Variants in CCND3 observed in about 807,000 individuals in gnomAD.
CCND3 encodes the protein cyclin D3, also known as G1/S-specific cyclin-D3.
In CCND3, 9 loss-of-function variants were observed where a neutral mutation model predicts 28.7. That is an observed-to-expected ratio of 0.31 (90% CI 0.19 to 0.55). CCND3 has a LOEUF of 0.55. CCND3 is among the 20% of genes least tolerant of loss of function. The pLI is 0.93. For synonymous variants in CCND3, 164 were observed against 163.9 expected, an observed-to-expected ratio of 1.00 and a Z score of 0.00; for missense variants, 315 against 385.8, an observed-to-expected ratio of 0.82 and a Z score of 1.54.
chr6:41,942,444 T>A (rs567450533), upstream of CCND3, among the ~76,000 whole-genome samples: 1 of 152,134 alleles, frequency 6.6e-6, no homozygotes. Flanking sequence ...TGAATCAGAA[T>A]CTGCATTTTA....
At chr6:42,022,787 C>T (rs1377373082) in intron 1 of CCND3, among the ~76,000 whole-genome samples, 1 of 152,190 alleles carries the variant, frequency 6.6e-6, no homozygotes. Flanking sequence ...CAGGGCAGGG[C>T]TTCCTCACCC....
At chr6:42,014,140 T>C (rs6912057) in intron 1 of CCND3, among the ~76,000 whole-genome samples, 61,637 of 150,312 alleles carry the variant, frequency 0.41, 13,003 homozygotes, top group African/African-American at 0.53. Context: ...CCAAGGCGGG[T>C]GGATCACGAG....
chr6:41,953,931 G>GA (rs947799091), intron 1 of CCND3, among the ~76,000 whole-genome samples: 5 of 149,916 alleles, frequency 3.3e-5, no homozygotes, highest in African/African-American at 1.2e-4. Flanking sequence ...TTAAGAGTTT[G>GA]AAAAAAAAAT....
At chr6:42,035,194 G>T (rs763146847) in intron 1 of CCND3, among the ~76,000 whole-genome samples, 1 of 152,136 alleles carries the variant, frequency 6.6e-6, no homozygotes, top group African/African-American at 2.4e-5. Context: ...TACAGCGCAG[G>T]GCAACCTACT....
intron 1 of CCND3, among the ~76,000 whole-genome samples, chr6:41,970,460 T>C (rs1762006580): frequency 6.6e-6 from 1 of 152,226 alleles, no homozygotes; most frequent in Non-Finnish European, 1.5e-5. Context: ...GCCAATTTTG[T>C]GGCCATCTTA....
At chr6:41,994,668 A>T (rs974624652) in intron 1 of CCND3, among the ~76,000 whole-genome samples, 38 of 152,176 alleles carry the variant, frequency 2.5e-4, no homozygotes, top group Admixed American at 2.4e-3. Flanking sequence ...ATACATCACT[A>T]GGGTGCAGGG....
At chr6:41,998,618 G>A (rs1057040772) in intron 1 of CCND3, among the ~76,000 whole-genome samples, 3 of 151,582 alleles carry the variant, frequency 2.0e-5, no homozygotes, top group Non-Finnish European at 4.4e-5. Context: ...GTGAGCCACC[G>A]TGCCCAGCTG....
Position 41,935,466 on chromosome 6 carries a change from G to A in CCND3, c.*474C>T. ...CATAGGGGCCTCCAAAGTACTGAGA[G>A]GAGCCATCTAGACTATTCCCCCTCA... On this transcript the variant is annotated 3_prime_UTR_variant, in exon 5 of 5. Coordinates refer to ENST00000372991, the MANE Select transcript of CCND3 (RefSeq NM_001760.5). The A allele has an allele frequency of 3.8e-6, 1 of 261,966 alleles. No homozygotes were observed. Among genetic ancestry groups the A allele is most frequent in the African/African-American group, 2.2e-5 (1 of 46,434 alleles). The allele number at this position is 261,966 out of a possible 1,614,324, so 16.2% of individuals were successfully genotyped here. A position where few individuals can be genotyped will look rare whatever the true frequency, so the allele number is the denominator to read the frequency against.
intron 1 of CCND3, among the ~76,000 whole-genome samples, chr6:41,954,629 C>T (rs1003209742): frequency 3.3e-5 from 5 of 151,908 alleles, no homozygotes; most frequent in African/African-American, 4.8e-5. Flanking sequence ...GAACTCCTGG[C>T]CTCCAGTGAT....
At chr6:41,991,361 G>A (rs183362342) in intron 1 of CCND3, among the ~76,000 whole-genome samples, 6 of 152,260 alleles carry the variant, frequency 3.9e-5, no homozygotes, top group Non-Finnish European at 5.9e-5. Flanking sequence ...GCCCAGCCCC[G>A]CTCAGGTACA....
At chr6:41,957,560 G>A (rs1336847274) in intron 1 of CCND3, among the ~76,000 whole-genome samples, 1 of 152,182 alleles carries the variant, frequency 6.6e-6, no homozygotes, top group Non-Finnish European at 1.5e-5. Flanking sequence ...TGTCGCTTAA[G>A]GGCACGCATC....
chr6:41,996,147 GT>G lies in CCND3; in HGVS notation c.-46+52353del, dbSNP rs761103313. On this transcript the variant is annotated intron_variant, in intron 1 of 4. Transcript: ENST00000372988. Reference sequence around the variant, plus strand: ...TAATATATATATATATATTTTTTTTGTTTGTTTGTTTGTTTGTTTGACATGG... The same window carrying G: ...TAATATATATATATATATTTTTTTTGTTGTTTGTTTGTTTGTTTGACATGG... Among the ~76,000 whole-genome samples the G allele has an allele frequency of 2.4e-4, 32 of 131,328 alleles. No homozygotes were observed. In the Middle Eastern group the frequency reaches 0.016, roughly 64 times the overall value. The allele number at this position is 131,328 out of a possible 152,430, so 86.2% of individuals were successfully genotyped here.
At chr6:42,018,223 TGCTCTGTCACCCAG>T (rs1205315390) in intron 1 of CCND3, among the ~76,000 whole-genome samples, 1 of 151,600 alleles carries the variant, frequency 6.6e-6, no homozygotes, top group African/African-American at 2.4e-5. Flanking sequence ...GACAGAGTCT[TGCTCTGTCACCCAG>T]GCTGGAGTGC....
At chr6:42,016,288 A>C (rs1339574310) in intron 1 of CCND3, among the ~76,000 whole-genome samples, 1 of 152,124 alleles carries the variant, frequency 6.6e-6, no homozygotes, top group Non-Finnish European at 1.5e-5. Flanking sequence ...CGTCTCTTGA[A>C]CTTATTCTTC....
At chr6:42,008,703 ATACT>A (rs1360081438) in intron 1 of CCND3, among the ~76,000 whole-genome samples, 1 of 152,200 alleles carries the variant, frequency 6.6e-6, no homozygotes, top group African/African-American at 2.4e-5. Context: ...GTGCATGTAA[ATACT>A]TATGTATATA....
At chr6:42,024,474 G>A (rs28372547) in intron 1 of CCND3, among the ~76,000 whole-genome samples, 6 of 151,722 alleles carry the variant, frequency 4.0e-5, no homozygotes, top group Non-Finnish European at 7.4e-5. Context: ...GGGTTTATGC[G>A]CCTCCAGTGA....
At chr6:41,993,410 CTTTTT>C (rs70987558) in intron 1 of CCND3, among the ~76,000 whole-genome samples, 1 of 101,690 alleles carries the variant, frequency 9.8e-6, no homozygotes, top group Non-Finnish European at 1.9e-5. Flanking sequence ...CTCATGTCTT[CTTTTT>C]TTTTTTTTTT....
At chr6:42,046,985 C>T (rs1172937948) in intron 1 of CCND3, among the ~76,000 whole-genome samples, 3 of 152,216 alleles carry the variant, frequency 2.0e-5, no homozygotes, top group Admixed American at 6.5e-5. Context: ...CCAGTGCCTG[C>T]GTTTCCTCGT....
upstream of CCND3, among the ~76,000 whole-genome samples, chr6:41,946,684 G>A (rs746802679): frequency 3.3e-5 from 5 of 149,392 alleles, no homozygotes; most frequent in Non-Finnish European, 5.9e-5. Flanking sequence ...GAGCTATCTC[G>A]GTGCTTACAG....
Sources: allele counts gnomAD v4.1 joint callset (sites outside exome capture counted in the v4.1 genomes callset), GRCh38; gene constraint gnomAD v4.1.1; transcripts MANE v1.5; gene names NCBI Gene and HGNC (gene_info 2026-07-23, HGNC 2026-07-21).